Variants in SLC3A2 observed in about 807,000 individuals in gnomAD.
SLC3A2 encodes solute carrier family 3 member 2.
A neutral mutation model predicts 48.5 loss-of-function variants in SLC3A2; 32 were observed. The observed-to-expected ratio is 0.66, with a 90% confidence interval of 0.50 to 0.89. SLC3A2 has a LOEUF of 0.89. Among genes scored for constraint, SLC3A2 ranks in the 40% least tolerant of loss-of-function variants. The probability of loss-of-function intolerance (pLI) is 0.00; values close to 1 mark genes in which losing one functional copy is unlikely to be tolerated. For missense variants in SLC3A2, 587 were observed against 680.7 expected (o/e 0.86, Z 1.53); for synonymous variants, 277 against 288.8 (o/e 0.96, Z 0.41).
intron 7 of SLC3A2, 149 bp from the exon 8 acceptor site, chr11:62,887,986 A>T: frequency 1.5e-6 from 1 of 650,142 alleles, no homozygotes; most frequent in Non-Finnish European, 2.7e-6. Flanking sequence ...AGTAGAGATG[A>T]GGGCTCATTA....
intron 1 of SLC3A2, chr11:62,870,733 T>A (rs2085502991): frequency 1.3e-5 from 2 of 157,314 alleles, no homozygotes; most frequent in African/African-American, 4.9e-5. Context: ...TTATTTTTTT[T>A]TTTTTTTGTA....
At chr11:62,861,775 C>A (rs1336365374) in intron 1 of SLC3A2, among the ~76,000 whole-genome samples, 1 of 151,752 alleles carries the variant, frequency 6.6e-6, no homozygotes, top group Admixed American at 6.6e-5. Flanking sequence ...ATCAGCCAGG[C>A]GTGGTGGCAT....
chr11:62,879,866 G>C (rs550016625), upstream of SLC3A2, among the ~76,000 whole-genome samples: 21 of 152,320 alleles, frequency 1.4e-4, no homozygotes, highest in East Asian at 3.7e-3. Flanking sequence ...TCAATCCAAG[G>C]ACCCTGTGGA....
chr11:62,870,429 C>T (rs1409888492), intron 1 of SLC3A2, among the ~76,000 whole-genome samples: 1 of 151,394 alleles, frequency 6.6e-6, no homozygotes, highest in South Asian at 2.1e-4. Flanking sequence ...TGTGATCCGC[C>T]CGCCTTGGCT....
rs2135009548 is a variant in SLC3A2, at chr11:62,881,682, C to T, written c.425-211C>T. On this transcript the variant is annotated intron_variant, in intron 1 of 8. Transcript: ENST00000338663. This position sits in a 1 kb window ranked among gnomAD's most constrained non-coding sequence, Gnocchi z 4.0. The stretch of plus-strand genomic sequence containing the variant: ...GTGGGTGACTCAGCGTCCTCCTTCC[C>T]CGCGGCGCCAGAAGCCAGTTGCAAC... 6 of 853,218 alleles carry T rather than the reference C, an allele frequency of 7.0e-6. No individual in the cohort carries two copies. Among genetic ancestry groups the T allele is most frequent in the Non-Finnish European group, 1.1e-5 (6 of 570,674 alleles). 52.9% of individuals were successfully genotyped at this position (853,218 alleles called of 1,614,324 possible). A position where few individuals can be genotyped will look rare whatever the true frequency, so the allele number is the denominator to read the frequency against.
At chr11:62,884,743 T>C in intron 5 of SLC3A2, 53 bp downstream of exon 5, 1 of 1,454,912 alleles carries the variant, frequency 6.9e-7, no homozygotes, top group Non-Finnish European at 9.3e-7. Flanking sequence ...AACCCCTCAG[T>C]GGAGTGCTAG....
chr11:62,879,406 C>A (rs1052366283), upstream of SLC3A2, among the ~76,000 whole-genome samples: 1 of 152,214 alleles, frequency 6.6e-6, no homozygotes, highest in Non-Finnish European at 1.5e-5. Context: ...CTGCGCCCAG[C>A]CTTGAGCTTT....
intron 7 of SLC3A2, among the ~76,000 whole-genome samples, chr11:62,886,833 A>G (rs566173354): frequency 6.6e-6 from 1 of 152,254 alleles, no homozygotes; most frequent in East Asian, 1.9e-4. Context: ...TCCTGGGCTC[A>G]ATCGCTCTGC....
At chr11:62,870,674 CTG>C (rs1453150393) in intron 1 of SLC3A2, 3 of 152,144 alleles carry the variant, frequency 2.0e-5, no homozygotes, top group Non-Finnish European at 4.3e-5. Flanking sequence ...TTGCCCATCC[CTG>C]TGTCTTTAGC....
chr11:62,873,204 TG>T (rs2085535309), intron 1 of SLC3A2, among the ~76,000 whole-genome samples: 2 of 151,944 alleles, frequency 1.3e-5, no homozygotes, highest in South Asian at 4.2e-4. Flanking sequence ...AAAAATTTTT[TG>T]TGGCCGGGCC....
chr11:62,878,179 C>A (rs1008720070), upstream of SLC3A2, among the ~76,000 whole-genome samples: 4 of 150,958 alleles, frequency 2.6e-5, no homozygotes, highest in East Asian at 5.8e-4. Flanking sequence ...AAACAAAAAA[C>A]AAAAGGAATT....
At chr11:62,867,318 T>C (rs1201598703) in intron 1 of SLC3A2, among the ~76,000 whole-genome samples, 1 of 112,670 alleles carries the variant, frequency 8.9e-6, no homozygotes, top group Non-Finnish European at 1.7e-5. Flanking sequence ...TTCTCTTTTC[T>C]TTTCTTTTTT....
chr11:62,867,514 C>T (rs539386968), intron 1 of SLC3A2, among the ~76,000 whole-genome samples: 12 of 150,638 alleles, frequency 8.0e-5, no homozygotes, highest in East Asian at 7.9e-4. Context: ...TTAGTAGAGA[C>T]GTGGTTTCAC....
chr11:62,883,863 G>C (rs1375552416), intron 3 of SLC3A2: 2 of 411,668 alleles, frequency 4.9e-6, no homozygotes, highest in African/African-American at 4.1e-5. Context: ...GTGCAGGACT[G>C]CCAGGATTCC....
At chr11:62,888,298 C>T (rs1372179426) in intron 8 of SLC3A2, 33 bp from the exon 9 acceptor site, 4 of 1,609,802 alleles carry the variant, frequency 2.5e-6, no homozygotes, top group Middle Eastern at 1.6e-4. Context: ...GGGAGCCCCT[C>T]ACACGCTTCT....
chr11:62,883,860 A>G (rs1394514171), intron 3 of SLC3A2: 1 of 410,074 alleles, frequency 2.4e-6, no homozygotes, highest in African/African-American at 2.1e-5. Context: ...TGTGTGCAGG[A>G]CTGCCAGGAT....
intron 1 of SLC3A2, among the ~76,000 whole-genome samples, chr11:62,869,167 G>A (rs1427984562): frequency 1.3e-5 from 2 of 151,760 alleles, no homozygotes; most frequent in African/African-American, 4.8e-5. Flanking sequence ...CCAAAGTGCT[G>A]GGATTACAGG....
chr11:62,859,908 T>G (rs1230932088), intron 1 of SLC3A2, among the ~76,000 whole-genome samples: 1 of 151,716 alleles, frequency 6.6e-6, no homozygotes, highest in African/African-American at 2.4e-5. Context: ...AGAAAAGAAA[T>G]AAGACACAGA....
chr11:62,860,880 A>G (rs1590615292), intron 1 of SLC3A2, among the ~76,000 whole-genome samples: 1 of 152,272 alleles, frequency 6.6e-6, no homozygotes, highest in East Asian at 1.9e-4. Flanking sequence ...AACAAAGCAC[A>G]TCCTGCACAG....
Sources: gnomAD v4.1 joint callset for allele counts (sites outside exome capture counted in the v4.1 genomes callset) on GRCh38, gnomAD v4.1.1 for gene constraint, Gnocchi (gnomAD v3.1) non-coding constraint, MANE v1.5 for transcripts, NCBI Gene and HGNC (gene_info 2026-07-23, HGNC 2026-07-21) for gene names.